QRFPR: variants seen among roughly 807,000 people sequenced by gnomAD.
The protein encoded by QRFPR is pyroglutamylated RFamide peptide receptor, also known as pyroglutamylated RF-amide peptide receptor.
In QRFPR, 37 loss-of-function variants were observed where a neutral mutation model predicts 31.3. The ratio of observed to expected loss-of-function variants is 1.18; its 90% CI spans 0.91 to 1.56. QRFPR has a LOEUF of 1.56. Ranked by LOEUF, QRFPR falls within the 40% of genes most tolerant of loss-of-function variation. The pLI is 0.00. For missense variants in QRFPR, 542 were observed against 532.5 expected, an observed-to-expected ratio of 1.02 and a Z score of -0.18; for synonymous variants, 197 against 192.0, an observed-to-expected ratio of 1.03 and a Z score of -0.22.
At chr4:121,355,013 A>G (rs1253120648) in intron 1 of QRFPR, among the ~76,000 whole-genome samples, 1 of 152,006 alleles carries the variant, frequency 6.6e-6, no homozygotes, top group Non-Finnish European at 1.5e-5. Flanking sequence ...AATCAAGGAT[A>G]TTGGCCTGTA....
At chr4:121,374,687 A>G (rs1726318004) in intron 1 of QRFPR, among the ~76,000 whole-genome samples, 1 of 152,192 alleles carries the variant, frequency 6.6e-6, no homozygotes, top group Non-Finnish European at 1.5e-5. Flanking sequence ...ATGATTTACT[A>G]CATGTTGCCA....
chr4:121,354,992 G>C (rs1725837454), intron 1 of QRFPR, among the ~76,000 whole-genome samples: 2 of 151,916 alleles, frequency 1.3e-5, no homozygotes, highest in African/African-American at 4.8e-5. Context: ...AGAGGTTTTT[G>C]CATCTATGCT....
intron 1 of QRFPR, among the ~76,000 whole-genome samples, chr4:121,359,730 T>C (rs1725948407): frequency 6.6e-6 from 1 of 151,296 alleles, no homozygotes; most frequent in South Asian, 2.1e-4. Flanking sequence ...TATGTGTGTG[T>C]ATATATATAT....
At chr4:121,379,659 T>C (rs1206253327) in intron 1 of QRFPR, among the ~76,000 whole-genome samples, 2 of 152,226 alleles carry the variant, frequency 1.3e-5, no homozygotes, top group African/African-American at 4.8e-5. Context: ...ATGTTATCTC[T>C]TCTTTTATAA....
intron 1 of QRFPR, among the ~76,000 whole-genome samples, chr4:121,376,132 G>A (rs1726347713): frequency 6.6e-6 from 1 of 152,148 alleles, no homozygotes; most frequent in Non-Finnish European, 1.5e-5. Flanking sequence ...TTTCCTAAAG[G>A]AAAGGGCCAT....
Position 121,340,445 on chromosome 4 carries a change from G to A in QRFPR, c.499+7C>T, listed in dbSNP as rs1185819852. 6.2e-7 allele frequency: 1 copy of A among 1,613,766 alleles called. No individual in the cohort carries two copies. The highest frequency in any genetic ancestry group is 1.7e-5 in the Admixed American group (1 of 59,974). Reference sequence around the variant, plus strand: ...CACACTGCCATTGGCACATCCAGTGGCCTCACCTAGCATTGTGAAAGCCCT... The same window carrying A: ...CACACTGCCATTGGCACATCCAGTGACCTCACCTAGCATTGTGAAAGCCCT... On this transcript the variant is annotated splice_region_variant and intron_variant, in intron 2 of 5. Coordinates refer to ENST00000394427, the MANE Select transcript of QRFPR (RefSeq NM_198179.3).
intron 5 of QRFPR, 30 bp from the exon 6 acceptor site, chr4:121,329,744 G>T: frequency 7.2e-7 from 1 of 1,385,960 alleles, no homozygotes; most frequent in Non-Finnish European, 9.7e-7. Context: ...TAGAATGTAC[G>T]TTTATTTTAA....
intron 1 of QRFPR, among the ~76,000 whole-genome samples, chr4:121,376,737 T>C (rs1726360472): frequency 6.6e-6 from 1 of 152,314 alleles, no homozygotes; most frequent in East Asian, 1.9e-4. Flanking sequence ...GTAACTGGTT[T>C]GGGCTGGGGC....
Position 121,363,466 on chromosome 4 carries a change from G to A in QRFPR, c.340+16842C>T, listed in dbSNP as rs552432630. 3.3e-5 allele frequency among the ~76,000 whole-genome samples: 5 copies of A among 150,108 alleles called. 1 individual carries two copies. The South Asian group carries it at 6.3e-4, about 19-fold the overall frequency. On this transcript the variant is annotated intron_variant, in intron 1 of 5. Transcript: ENST00000394427. ...CATGTGCATCACATGAACCATCATT[G>A]CTACAAAATAGCCTTGCCATAATTC...
At chr4:121,336,307 G>A (rs576078637) in intron 3 of QRFPR, among the ~76,000 whole-genome samples, 1 of 152,204 alleles carries the variant, frequency 6.6e-6, no homozygotes, top group African/African-American at 2.4e-5. Context: ...TGACAAAGGT[G>A]TGGGGAAAGG....
chr4:121,362,794 G>A (rs550222435), intron 1 of QRFPR, among the ~76,000 whole-genome samples: 10 of 150,232 alleles, frequency 6.7e-5, no homozygotes, highest in African/African-American at 2.0e-4. Context: ...TAGACACTAC[G>A]AGAAAGACCA....
chr4:121,336,635 C>T (rs1022401377), intron 3 of QRFPR, among the ~76,000 whole-genome samples, 172 bp downstream of exon 3: 17 of 152,064 alleles, frequency 1.1e-4, no homozygotes, highest in African/African-American at 4.1e-4. Flanking sequence ...CTAGATAAAA[C>T]AGAGAAAATG....
chr4:121,355,916 G>C (rs72668972), intron 1 of QRFPR, among the ~76,000 whole-genome samples: 6,662 of 152,182 alleles, frequency 0.044, 228 homozygotes, highest in East Asian at 0.11. Flanking sequence ...ATGGTGGTCA[G>C]AGAAGATACT....
In QRFPR at chr4:121,336,630, T is replaced by C. The variant is rs762323568; in HGVS notation, c.561+177A>G. 4.7e-4 allele frequency among the ~76,000 whole-genome samples: 72 copies of C among 152,114 alleles called. 3 individuals carry two copies. Among genetic ancestry groups the C allele is most frequent in the Non-Finnish European group, 1.8e-4 (12 of 68,014 alleles). Reference sequence around the variant, plus strand: ...TAACAATGTATCAGGAAGAGCTAGATAAAACAGAGAAAATGAACCTTAAAA... The same window carrying C: ...TAACAATGTATCAGGAAGAGCTAGACAAAACAGAGAAAATGAACCTTAAAA... On this transcript the variant is annotated intron_variant, in intron 3 of 5. Coordinates refer to ENST00000394427, the MANE Select transcript of QRFPR (RefSeq NM_198179.3).
rs1191615653 is a variant in QRFPR, at chr4:121,329,464, T to C, written c.1146A>G (p.Pro382=). 2 of 1,614,172 alleles carry C rather than the reference T, an allele frequency of 1.2e-6. No homozygotes were observed. Among genetic ancestry groups the C allele is most frequent in the African/African-American group, 1.3e-5 (1 of 75,058 alleles). The change falls in exon 6 of 6, where the codon CCA becomes CCG. Residue 382 remains proline, a synonymous_variant. Coordinates refer to ENST00000394427, the MANE Select transcript of QRFPR (RefSeq NM_198179.3). ...KKAKFSLREN[P]VEETKGEAFS... is the part of the protein sequence containing the mutation. Reference sequence around the variant, plus strand: ...ATGCTTCTCCTTTGGTTTCCTCCACTGGATTCTCTCTGAGGGAAAACTTTG... The same window carrying C: ...ATGCTTCTCCTTTGGTTTCCTCCACCGGATTCTCTCTGAGGGAAAACTTTG...
At position 121,334,999 on chromosome 4, in the gene QRFPR, T is replaced by A. The variant is rs577897936; in HGVS notation, c.561+1808A>T. ...CTCAGGAAGTCTTTGCTTGTCCTAA[T>A]AGAATTTAGGAGTGAGAAGGTAGCC... On this transcript the variant is annotated intron_variant, in intron 3 of 5. Coordinates refer to ENST00000394427, the MANE Select transcript of QRFPR (RefSeq NM_198179.3). Among the ~76,000 whole-genome samples, 7 of 152,226 alleles carry A rather than the reference T, an allele frequency of 4.6e-5. No individual in the cohort carries two copies. The South Asian group carries it at 1.2e-3, about 27-fold the overall frequency.
At chr4:121,366,702 T>TC (rs1726139958) in intron 1 of QRFPR, among the ~76,000 whole-genome samples, 1 of 150,032 alleles carries the variant, frequency 6.7e-6, no homozygotes, top group South Asian at 2.1e-4. Context: ...ACCTGTAGAA[T>TC]CATGAATGAT....
intron 1 of QRFPR, among the ~76,000 whole-genome samples, chr4:121,343,384 C>A (rs141526350): frequency 6.6e-6 from 1 of 152,186 alleles, no homozygotes; most frequent in African/African-American, 2.4e-5. Context: ...TTGGGGGCTC[C>A]AAATGGCAAC....
At chr4:121,339,849 G>A (rs1725504646) in intron 2 of QRFPR, among the ~76,000 whole-genome samples, 2 of 152,168 alleles carry the variant, frequency 1.3e-5, no homozygotes, top group African/African-American at 4.8e-5. Flanking sequence ...CAGCTACTTG[G>A]GAGGCTGAGG....
Sources: allele counts gnomAD v4.1 joint callset (sites outside exome capture counted in the v4.1 genomes callset), GRCh38; gene constraint gnomAD v4.1.1; transcripts MANE v1.5; gene names NCBI Gene and HGNC (gene_info 2026-07-23, HGNC 2026-07-21).